The following ABR variants were observed in gnomAD, a reference collection of about 807,000 sequenced individuals.
The protein encoded by ABR is active breakpoint cluster region-related protein.
Under a neutral mutation model 107.2 loss-of-function variants are expected in ABR, and 35 were observed. The ratio of observed to expected loss-of-function variants is 0.33; its 90% CI spans 0.25 to 0.43. The LOEUF (loss-of-function observed/expected upper bound fraction) is 0.43. Among genes scored for constraint, ABR ranks in the 20% least tolerant of loss-of-function variants. ABR has a pLI of 1.00. For synonymous variants in ABR, 498 were observed against 462.0 expected (o/e 1.08, Z -1.00); for missense variants, 815 against 1,115.2 (o/e 0.73, Z 3.83).
At position 1,012,655 on chromosome 17, in the gene ABR, C is replaced by T. The variant is rs371156033; in HGVS notation, c.1961+33G>A. On this transcript the variant is annotated intron_variant, in intron 18 of 22. Transcript: ENST00000302538. ...GGCTGGGGGGGACCCGGGGCACCGA[C>T]GCCAGGACTGGGAGACCCGAGGCAG... is the stretch of plus-strand genomic sequence containing the variant. 3.7e-5 allele frequency: 57 copies of T among 1,522,098 alleles called. No individual in the cohort carries two copies. In the African/African-American group the frequency reaches 6.2e-4, roughly 17 times the overall value. 94.3% of individuals were successfully genotyped at this position (1,522,098 alleles called of 1,614,324 possible).
chr17:1,134,447 A>T (rs974772289), intron 1 of ABR, among the ~76,000 whole-genome samples: 2 of 152,090 alleles, frequency 1.3e-5, no homozygotes, highest in Admixed American at 6.5e-5. Context: ...ATTAAATTAA[A>T]TAAATAAAAG....
chr17:1,087,569 G>A (rs2036691192), intron 4 of ABR, among the ~76,000 whole-genome samples: 1 of 151,480 alleles, frequency 6.6e-6, no homozygotes, highest in Non-Finnish European at 1.5e-5. Flanking sequence ...TTTAAAGGGG[G>A]TGGGGCCTGA....
At chr17:1,069,737 C>A (rs539623063) in intron 9 of ABR, among the ~76,000 whole-genome samples, 1 of 151,510 alleles carries the variant, frequency 6.6e-6, no homozygotes, top group Admixed American at 6.6e-5. Flanking sequence ...CTCCCTCCCC[C>A]GCCCTGTGCC....
chr17:1,195,311 A>AAAAAAAAAAAG (rs2042536481), intron 1 of ABR, among the ~76,000 whole-genome samples: 1 of 146,196 alleles, frequency 6.8e-6, no homozygotes, highest in African/African-American at 2.5e-5. Flanking sequence ...TCTCAAAAAA[A>AAAAAAAAAAAG]AAAAAAAGTC....
chr17:1,121,679 C>T (rs1040096046), intron 2 of ABR, among the ~76,000 whole-genome samples: 5 of 150,384 alleles, frequency 3.3e-5, no homozygotes, highest in African/African-American at 1.2e-4. Context: ...AGCTGAGTCC[C>T]CCAGGCAGGG....
chr17:1,206,509 A>G (rs1171393496), intron 1 of ABR, among the ~76,000 whole-genome samples: 1 of 152,182 alleles, frequency 6.6e-6, no homozygotes, highest in African/African-American at 2.4e-5. Context: ...CTCCTGTCTC[A>G]GCCTCCTGAG....
At chr17:1,145,416 G>T (rs1306319572) in intron 1 of ABR, among the ~76,000 whole-genome samples, 1 of 152,202 alleles carries the variant, frequency 6.6e-6, no homozygotes, top group Admixed American at 6.5e-5. Context: ...ATCCTGGGCT[G>T]ATTTGATTTA....
intron 14 of ABR, among the ~76,000 whole-genome samples, chr17:1,053,662 A>AG (rs1770419596): frequency 6.7e-6 from 1 of 149,178 alleles, no homozygotes; most frequent in African/African-American, 2.6e-5. Flanking sequence ...TGAGTGGGTC[A>AG]GGGGTGGCGG....
intron 16 of ABR, among the ~76,000 whole-genome samples, chr17:1,036,468 G>A (rs2073186267): frequency 6.6e-6 from 1 of 151,326 alleles, no homozygotes; most frequent in African/African-American, 2.5e-5. Context: ...GGTGCTGGAG[G>A]AGAGCAGGGC....
chr17:1,202,741 C>T (rs1007437297), intron 1 of ABR, among the ~76,000 whole-genome samples: 42 of 152,144 alleles, frequency 2.8e-4, no homozygotes, highest in African/African-American at 1.0e-3. Flanking sequence ...TTAGGAAACA[C>T]TGCGGCTAGA....
In ABR at chr17:1,200,157, AC is replaced by A. The variant is rs1468803660; in HGVS notation, c.838+28635del. 1.1e-4 allele frequency among the ~76,000 whole-genome samples: 17 copies of A among 152,196 alleles called. No homozygotes were observed. In the East Asian group the frequency reaches 2.7e-3, roughly 24 times the overall value. ...TTGGGAGGAAAACAATTAAAAAAAAACACCACAAAAATAAAAAATACAAATA... is the reference window on the plus strand; with the variant it reads ...TTGGGAGGAAAACAATTAAAAAAAAAACCACAAAAATAAAAAATACAAATA... On this transcript the variant is annotated intron_variant, in intron 1 of 22. Transcript: ENST00000574139. This position sits in a 1 kb window ranked among gnomAD's most constrained non-coding sequence, Gnocchi z 4.1.
intron 1 of ABR, among the ~76,000 whole-genome samples, chr17:1,171,410 TC>T (rs1301217037): frequency 1.3e-5 from 2 of 152,140 alleles, no homozygotes; most frequent in African/African-American, 2.4e-5. Context: ...ACCAGGCTTC[TC>T]TAGGCAGCAC....
chr17:1,195,359 G>A (rs1392928662), intron 1 of ABR, among the ~76,000 whole-genome samples: 1 of 149,748 alleles, frequency 6.7e-6, no homozygotes, highest in African/African-American at 2.4e-5. Context: ...GCCTCTCCAA[G>A]TGCTGGGATT....
intron 16 of ABR, among the ~76,000 whole-genome samples, chr17:1,039,870 G>A (rs946255127): frequency 2.6e-5 from 4 of 152,176 alleles, no homozygotes; most frequent in Non-Finnish European, 5.9e-5. Context: ...CGCCGACGCG[G>A]GCTGATCTTC....
Position 1,051,633 on chromosome 17 carries a change from G to T in ABR, c.1562-999C>A, listed in dbSNP as rs1272879554. 6.6e-6 allele frequency among the ~76,000 whole-genome samples: 1 copy of T among 152,224 alleles called. No individual in the cohort carries two copies. The highest frequency in any genetic ancestry group is 1.5e-5 in the Non-Finnish European group (1 of 68,038). On this transcript the variant is annotated intron_variant, in intron 14 of 22. Coordinates refer to ENST00000302538, the MANE Select transcript of ABR (RefSeq NM_021962.5). This position sits in a 1 kb window ranked among gnomAD's most constrained non-coding sequence, Gnocchi z 4.3. ...TGCCGAGGTTGTTCCCAGGGTACCA[G>T]AGGTGGTGTGGGAGGTGCCTTTGGG...
chr17:1,220,512 A>G lies in ABR; in HGVS notation c.838+8281T>C, dbSNP rs2150758478. On this transcript the variant is annotated intron_variant, in intron 1 of 22. Coordinates refer to the ABR transcript ENST00000574139. ...ACTCACGTGGTGTAAATACAGCTACACAGAGCGGTGGTGCAAAGTCAGGTG... is the reference window on the plus strand; with the variant it reads ...ACTCACGTGGTGTAAATACAGCTACGCAGAGCGGTGGTGCAAAGTCAGGTG... Among the ~76,000 whole-genome samples, 2 of 152,280 alleles carry G rather than the reference A, an allele frequency of 1.3e-5. 1 individual carries two copies. The highest frequency in any genetic ancestry group is 4.2e-4 in the South Asian group (2 of 4,816).
At chr17:1,196,819 C>T (rs374460688) in intron 1 of ABR, among the ~76,000 whole-genome samples, 2,660 of 152,082 alleles carry the variant, frequency 0.017, 62 homozygotes, top group African/African-American at 0.053. Context: ...CTCAGCCTCC[C>T]GAGTAGCTGG....
chr17:1,031,742 GC>G, intron 16 of ABR: 1 of 1,234,958 alleles, frequency 8.1e-7, no homozygotes, highest in East Asian at 3.2e-5. Context: ...CGTCGGTCAT[GC>G]CGGGGGGGAC....
At chr17:1,180,068 C>T (rs1001600300), upstream of ABR, among the ~76,000 whole-genome samples, 5 of 16,762 alleles carry the variant, frequency 3.0e-4, no homozygotes, top group Non-Finnish European at 1.2e-4. Context: ...GGGGGCGGGG[C>T]GGGGAGGGAC....
Sources: gnomAD v4.1 joint callset for allele counts (sites outside exome capture counted in the v4.1 genomes callset) on GRCh38, gnomAD v4.1.1 for gene constraint, Gnocchi (gnomAD v3.1) non-coding constraint, MANE v1.5 for transcripts, NCBI Gene and HGNC (gene_info 2026-07-23, HGNC 2026-07-21) for gene names.